SENP5: variants seen among roughly 807,000 people sequenced by gnomAD.
SENP5 encodes SUMO specific peptidase 5, also known as sentrin-specific protease 5.
In SENP5, 21 loss-of-function variants were observed where a neutral mutation model predicts 74.2. The ratio of observed to expected loss-of-function variants is 0.28; its 90% CI spans 0.20 to 0.41. SENP5 has a LOEUF of 0.41. SENP5 is among the 10% of genes least tolerant of loss of function. SENP5 has a pLI of 1.00. For synonymous variants in SENP5, 311 were observed against 312.7 expected (o/e 0.99, Z 0.06); for missense variants, 717 against 889.1 (o/e 0.81, Z 2.46).
At chr3:196,875,431 A>T (rs1713415036) in intron 1 of SENP5, among the ~76,000 whole-genome samples, 1 of 152,158 alleles carries the variant, frequency 6.6e-6, no homozygotes, top group Non-Finnish European at 1.5e-5. Context: ...TTTCAAGAAT[A>T]TGAATCAGAT....
At chr3:196,889,796 C>T (rs180746247) in intron 2 of SENP5, among the ~76,000 whole-genome samples, 4 of 152,268 alleles carry the variant, frequency 2.6e-5, no homozygotes, top group African/African-American at 7.2e-5. Flanking sequence ...AAGGTCCAGG[C>T]GGGCAGAAGG....
At chr3:196,899,131 TC>T (rs972122110) in intron 2 of SENP5, among the ~76,000 whole-genome samples, 4 of 151,282 alleles carry the variant, frequency 2.6e-5, no homozygotes, top group Non-Finnish European at 4.4e-5. Context: ...TGAGCTCACC[TC>T]ACAGCGTTAT....
At chr3:196,898,018 A>C (rs1224860364) in intron 2 of SENP5, among the ~76,000 whole-genome samples, 2 of 151,772 alleles carry the variant, frequency 1.3e-5, no homozygotes, top group Non-Finnish European at 2.9e-5. Context: ...CAAAAAAAAA[A>C]AATACAAAAA....
Position 196,889,945 on chromosome 3 carries a change from G to A in SENP5, c.1513+3251G>A, listed in dbSNP as rs552352891. Among the ~76,000 whole-genome samples, 5 of 152,260 alleles carry A rather than the reference G, an allele frequency of 3.3e-5. No homozygotes were observed. The South Asian group carries it at 8.3e-4, about 25-fold the overall frequency. ...CCTGCCTGTGCCACATGTCAGCAAA[G>A]AACAAATCTGTTATCAAGCCAAAAT... On this transcript the variant is annotated intron_variant, in intron 2 of 9. Coordinates refer to ENST00000323460, the MANE Select transcript of SENP5 (RefSeq NM_152699.5).
At chr3:196,887,960 G>A (rs1714046323) in intron 2 of SENP5, among the ~76,000 whole-genome samples, 1 of 152,028 alleles carries the variant, frequency 6.6e-6, no homozygotes, top group Admixed American at 6.6e-5. Flanking sequence ...TAGAGACAGT[G>A]TTTCACCATG....
At chr3:196,874,577 GTCTT>G (rs965134185) in intron 1 of SENP5, among the ~76,000 whole-genome samples, 5 of 151,412 alleles carry the variant, frequency 3.3e-5, no homozygotes, top group Admixed American at 1.3e-4. Context: ...CCTTTGCTTA[GTCTT>G]TCTTTATTTC....
At chr3:196,869,328 A>G (rs1343514643) in intron 1 of SENP5, among the ~76,000 whole-genome samples, 1 of 151,774 alleles carries the variant, frequency 6.6e-6, no homozygotes, top group Non-Finnish European at 1.5e-5. Context: ...CTCAGCCTCC[A>G]GAGTAGCTGG....
chr3:196,879,581 A>G (rs759997082), intron 1 of SENP5, among the ~76,000 whole-genome samples: 1 of 151,862 alleles, frequency 6.6e-6, no homozygotes, highest in Non-Finnish European at 1.5e-5. Context: ...TTCTGCATCT[A>G]TTTTTACTGT....
intron 1 of SENP5, among the ~76,000 whole-genome samples, chr3:196,874,525 C>G (rs769020197): frequency 4.6e-5 from 7 of 152,054 alleles, no homozygotes; most frequent in Non-Finnish European, 8.8e-5. Flanking sequence ...CCACCTTTAC[C>G]TGATTTTTGA....
chr3:196,891,320 A>G (rs921178220), intron 2 of SENP5, among the ~76,000 whole-genome samples: 10 of 82,758 alleles, frequency 1.2e-4, no homozygotes, highest in Non-Finnish European at 2.7e-4. Flanking sequence ...GTTAATGGGT[A>G]TAGAGTTTCT....
In SENP5 at chr3:196,885,397, G is replaced by A. The variant is rs79603237; in HGVS notation, c.216G>A (p.Lys72=). The A allele has an allele frequency of 1.3e-4, 212 of 1,614,160 alleles. No homozygotes were observed. In the African/African-American group the frequency reaches 2.5e-3, roughly 19 times the overall value. The change falls in exon 2 of 10, where the codon AAG becomes AAA. Residue 72 remains lysine (K), a synonymous_variant. Transcript: ENST00000323460. Reference sequence around the variant, plus strand: ...TTCAAATCCAGAAAACGTGGATCAAGGATGAACCCCTTTGTGCTAAGACCA... The same window carrying A: ...TTCAAATCCAGAAAACGTGGATCAAAGATGAACCCCTTTGTGCTAAGACCA... ...KALQIQKTWI[K]DEPLCAKTKF... is the part of the protein sequence containing the mutation.
At chr3:196,896,466 A>G (rs943839985) in intron 2 of SENP5, among the ~76,000 whole-genome samples, 69 of 82,438 alleles carry the variant, frequency 8.4e-4, no homozygotes, top group Non-Finnish European at 2.0e-3. Flanking sequence ...TGATTGATTG[A>G]TTGATTGAGA....
chr3:196,875,726 T>A (rs1023488560), intron 1 of SENP5, among the ~76,000 whole-genome samples: 3 of 152,292 alleles, frequency 2.0e-5, no homozygotes, highest in South Asian at 4.1e-4. Flanking sequence ...TTTTAATTTT[T>A]ATTTTATTTT....
rs191612639 is a variant in SENP5 at position 196,930,018 on chromosome 3, A to G, written c.2157+335A>G. Among the ~76,000 whole-genome samples, 9 of 152,104 alleles carry G rather than the reference A, an allele frequency of 5.9e-5. No homozygotes were observed. In the East Asian group the frequency reaches 1.7e-3, roughly 29 times the overall value. On this transcript the variant is annotated intron_variant, in intron 9 of 9. Coordinates refer to ENST00000323460, the MANE Select transcript of SENP5 (RefSeq NM_152699.5). Reference sequence around the variant, plus strand: ...AAAAAAAAAAAAAACATTGGCAAGCAATCTGCAGGTCTTTGACACAGTGAT... The same window carrying G: ...AAAAAAAAAAAAAACATTGGCAAGCGATCTGCAGGTCTTTGACACAGTGAT...
rs760845480 is a variant in SENP5 at position 196,885,767 on chromosome 3, T to A, written c.586T>A (p.Cys196Ser). Residue 196 changes from cysteine (C) to serine (S), a missense_variant, in exon 2 of 10, where the codon TGT (cysteine) becomes AGT (serine). By Grantham distance (112) the Cys-to-Ser change is moderately radical. Coordinates refer to ENST00000323460, the MANE Select transcript of SENP5 (RefSeq NM_152699.5). Reference sequence around the variant, plus strand: ...GAACAACCATAAGAGAAAGGGCTTTTGTTACGGCTGCTGCCAAGGGCCGGA... The same window carrying A: ...GAACAACCATAAGAGAAAGGGCTTTAGTTACGGCTGCTGCCAAGGGCCGGA... ...TLNNHKRKGF[C>S]YGCCQGPEHH... The A allele has an allele frequency of 3.7e-6, 6 of 1,614,214 alleles. No homozygotes were observed. In the South Asian group the frequency reaches 6.6e-5, roughly 18 times the overall value.
At chr3:196,924,611 A>G (rs1020706942) in intron 7 of SENP5, among the ~76,000 whole-genome samples, 1 of 50,858 alleles carries the variant, frequency 2.0e-5, no homozygotes, top group Admixed American at 2.1e-4. Flanking sequence ...AGGCATTCTC[A>G]TATTTTCTGG....
At position 196,886,342 on chromosome 3, in the gene SENP5, T is replaced by C. The variant is rs780943927; in HGVS notation, c.1161T>C (p.Ile387=). The C allele has an allele frequency of 5.0e-6, 8 of 1,613,628 alleles. No individual in the cohort carries two copies. In the South Asian group the frequency reaches 8.8e-5, roughly 18 times the overall value. Residue 387 remains isoleucine (I), a synonymous_variant, in exon 2 of 10, where the codon ATT becomes ATC. Transcript: ENST00000323460. ...AACATCGTTCTAATACCATGTTCATTTCAGAAACTGAAAGAGAAATTATGA... is the reference window on the plus strand; with the variant it reads ...AACATCGTTCTAATACCATGTTCATCTCAGAAACTGAAAGAGAAATTATGA... ...LPEHRSNTMF[I]SETEREIMTL...
chr3:196,889,271 A>C (rs765904602), intron 2 of SENP5, among the ~76,000 whole-genome samples: 3 of 152,092 alleles, frequency 2.0e-5, no homozygotes, highest in Non-Finnish European at 4.4e-5. Flanking sequence ...TGAGGTTAGC[A>C]GACCCATGAT....
rs749704671 is a variant in SENP5, at chr3:196,934,166, A to G, written c.*3243A>G. ...AAAAAGGTGCTGCCAGTCATCCCCA[A>G]ATTATGTTTTTGGCTGTGCATTCTA... is the stretch of plus-strand genomic sequence containing the variant. On this transcript the variant is annotated 3_prime_UTR_variant, in exon 10 of 10. Coordinates refer to ENST00000323460, the MANE Select transcript of SENP5 (RefSeq NM_152699.5). 2.6e-5 allele frequency: 4 copies of G among 152,194 alleles called. No individual in the cohort carries two copies. Among genetic ancestry groups the G allele is most frequent in the Non-Finnish European group, 5.9e-5 (4 of 68,046 alleles). The allele number at this position is 152,194 out of a possible 1,614,324, so 9.4% of individuals were successfully genotyped here.
Sources: allele counts gnomAD v4.1 joint callset (sites outside exome capture counted in the v4.1 genomes callset), GRCh38; gene constraint gnomAD v4.1.1; transcripts MANE v1.5; gene names NCBI Gene and HGNC (gene_info 2026-07-23, HGNC 2026-07-21).